Variants in RAD51B observed in about 807,000 individuals in gnomAD.
The protein encoded by RAD51B is DNA repair protein RAD51 homolog 2.
A neutral mutation model predicts 42.2 loss-of-function variants in RAD51B; 38 were observed. The observed-to-expected ratio is 0.90, with a 90% CI of 0.70 to 1.18. The LOEUF (loss-of-function observed/expected upper bound fraction) is 1.18. Ranked by LOEUF, RAD51B falls within the 50% of genes most tolerant of loss-of-function variation. The probability of loss-of-function intolerance (pLI) is 0.00; values close to 1 mark genes in which losing one functional copy is unlikely to be tolerated. For synonymous variants in RAD51B, 154 were observed against 145.2 expected, an observed-to-expected ratio of 1.06 and a Z score of -0.43; for missense variants, 373 against 400.7, an observed-to-expected ratio of 0.93 and a Z score of 0.59.
intron 10 of RAD51B, among the ~76,000 whole-genome samples, chr14:68,505,628 G>T (rs2140305140): frequency 7.0e-6 from 1 of 142,484 alleles, no homozygotes; most frequent in Non-Finnish European, 1.5e-5. Flanking sequence ...TCGGCTCACT[G>T]CAACCTCTAC....
At chr14:68,594,848 C>G (rs1377358052) in exon 11 of RAD51B, 1 of 1,186,646 alleles carries the variant, frequency 8.4e-7, no homozygotes, top group African/African-American at 1.5e-5. Flanking sequence ...CTCCCCAGAC[C>G]AAATGTCCCA....
intron 7 of RAD51B, among the ~76,000 whole-genome samples, chr14:68,163,498 A>AT (rs1362755014): frequency 6.6e-6 from 1 of 151,900 alleles, no homozygotes. Context: ...TGTCGTGCCC[A>AT]TTTTTTTGGC....
At chr14:67,917,620 A>T (rs1366704881) in intron 7 of RAD51B, among the ~76,000 whole-genome samples, 1 of 152,202 alleles carries the variant, frequency 6.6e-6, no homozygotes, top group Admixed American at 6.5e-5. Flanking sequence ...ATCAGTGAAG[A>T]TGCTGAGGAA....
intron 8 of RAD51B, among the ~76,000 whole-genome samples, chr14:68,298,755 G>A (rs991458596): frequency 3.3e-5 from 5 of 152,146 alleles, no homozygotes; most frequent in Admixed American, 3.3e-4. Flanking sequence ...CAAGTTAGAA[G>A]GACTCTCTGA....
intron 7 of RAD51B, among the ~76,000 whole-genome samples, chr14:68,092,814 C>A (rs1302100187): frequency 6.6e-6 from 1 of 152,060 alleles, no homozygotes; most frequent in Non-Finnish European, 1.5e-5. Flanking sequence ...TTTGTCCGTT[C>A]AGTATGATAT....
intron 10 of RAD51B, chr14:68,562,168 TA>T (rs760586106): frequency 6.1e-6 from 6 of 985,420 alleles, no homozygotes; most frequent in Non-Finnish European, 7.2e-6. Context: ...AGGCAACGCT[TA>T]CAACGCATCA....
chr14:68,222,685 AAATT>A (rs1290627132), intron 7 of RAD51B, among the ~76,000 whole-genome samples: 3 of 152,220 alleles, frequency 2.0e-5, no homozygotes, highest in African/African-American at 7.2e-5. Context: ...TAAAAAAAAT[AAATT>A]AATAAATTAA....
At position 68,390,131 on chromosome 14, in the gene RAD51B, G is replaced by C. The variant is rs80070713; in HGVS notation, c.854-21293G>C. ...ACTTACATAACATTTTGGAATCCTT[G>C]AATGAAAAGTTTTTTGGAGTTGCTG... On this transcript the variant is annotated intron_variant, in intron 8 of 10. Coordinates refer to ENST00000471583, the MANE Select transcript of RAD51B (RefSeq NM_133510.4). Among the ~76,000 whole-genome samples the C allele has an allele frequency of 7.6e-3, 1,153 of 152,272 alleles. 6 individuals carry two copies. Among genetic ancestry groups the C allele is most frequent in the Middle Eastern group, 0.027 (8 of 294 alleles).
chr14:68,458,239 A>T (rs1329044414), intron 9 of RAD51B, among the ~76,000 whole-genome samples: 1 of 152,208 alleles, frequency 6.6e-6, no homozygotes, highest in African/African-American at 2.4e-5. Context: ...AGCTCATTAC[A>T]ACCTCAAATT....
At chr14:68,597,479 G>A (rs79720764), downstream of RAD51B, among the ~76,000 whole-genome samples, 2,835 of 152,286 alleles carry the variant, frequency 0.019, 84 homozygotes, top group African/African-American at 0.064. Context: ...GAACAAGATC[G>A]TGTCTCTTGT....
At chr14:68,241,159 C>T (rs1345180707) in intron 7 of RAD51B, among the ~76,000 whole-genome samples, 3 of 152,216 alleles carry the variant, frequency 2.0e-5, no homozygotes, top group African/African-American at 4.8e-5. Context: ...AGCTGCTATA[C>T]GTGGTTGGAA....
At chr14:68,200,594 C>T (rs2079463294) in intron 7 of RAD51B, among the ~76,000 whole-genome samples, 1 of 152,128 alleles carries the variant, frequency 6.6e-6, no homozygotes, top group Non-Finnish European at 1.5e-5. Flanking sequence ...ATGGCTTACA[C>T]AAAACTAAGT....
At chr14:67,903,700 C>T (rs2043686853) in intron 7 of RAD51B, among the ~76,000 whole-genome samples, 1 of 152,132 alleles carries the variant, frequency 6.6e-6, no homozygotes, top group Non-Finnish European at 1.5e-5. Context: ...TGAGGATAGC[C>T]ATGTGATCGA....
chr14:68,604,373 T>C (rs552295509), intron 10 of RAD51B, among the ~76,000 whole-genome samples: 33 of 79,254 alleles, frequency 4.2e-4, no homozygotes, highest in African/African-American at 1.5e-3. Context: ...GGAAATATTC[T>C]AGAGATTTTT....
intron 11 of RAD51B, among the ~76,000 whole-genome samples, chr14:68,656,089 C>T (rs1397919550): frequency 2.6e-5 from 4 of 152,150 alleles, no homozygotes; most frequent in Admixed American, 2.0e-4. Context: ...CCCTGTCCTG[C>T]AGGAGCCAGG....
chr14:67,916,250 T>G (rs1268277367), intron 7 of RAD51B, among the ~76,000 whole-genome samples: 2 of 150,936 alleles, frequency 1.3e-5, no homozygotes, highest in Non-Finnish European at 2.9e-5. Context: ...ACACTTTCCC[T>G]TTAAATTTAC....
chr14:68,273,879 C>G (rs1416958589), intron 7 of RAD51B, among the ~76,000 whole-genome samples: 1 of 152,116 alleles, frequency 6.6e-6, no homozygotes. Context: ...TTTTAGCTGA[C>G]AGACTTCCTC....
intron 10 of RAD51B, among the ~76,000 whole-genome samples, chr14:68,495,549 C>T (rs77651953): frequency 0.14 from 21,161 of 152,088 alleles, 1,992 homozygotes; most frequent in Non-Finnish European, 0.21. Context: ...GCAGTGTTAA[C>T]TTGAAGGGAA....
At chr14:68,200,675 A>G (rs2079465697) in intron 7 of RAD51B, among the ~76,000 whole-genome samples, 1 of 152,000 alleles carries the variant, frequency 6.6e-6, no homozygotes, top group African/African-American at 2.4e-5. Flanking sequence ...TCTTCTTGAG[A>G]CAGAGTGTCA....
Sources: allele counts gnomAD v4.1 joint callset (sites outside exome capture counted in the v4.1 genomes callset), GRCh38; gene constraint gnomAD v4.1.1; transcripts MANE v1.5; gene names NCBI Gene and HGNC (gene_info 2026-07-23, HGNC 2026-07-21).